The following COA8 variants were observed in gnomAD, a reference collection of about 807,000 sequenced individuals.
COA8 encodes UPF0671 protein C14orf153.
In COA8, 20 loss-of-function variants were observed where a neutral mutation model predicts 22.0. The ratio of observed to expected loss-of-function variants is 0.91; its 90% CI spans 0.64 to 1.32. The LOEUF is 1.32. COA8 is among the 40% of genes most tolerant of loss of function. The probability of loss-of-function intolerance (pLI) is 0.00; values close to 1 mark genes in which losing one functional copy is unlikely to be tolerated. For synonymous variants in COA8, 105 were observed against 79.9 expected (o/e 1.31, Z -1.68); for missense variants, 266 against 230.0 (o/e 1.16, Z -1.01).
chr14:103,587,250 GT>G, intron 3 of COA8, 23 bp from the exon 4 acceptor site: 1 of 1,598,332 alleles, frequency 6.3e-7, no homozygotes, highest in Non-Finnish European at 8.6e-7. Context: ...AAGTCTTAAT[GT>G]TTAAGCTGAA....
chr14:103,576,262 C>T (rs1220563439), intron 3 of COA8, among the ~76,000 whole-genome samples: 1 of 152,066 alleles, frequency 6.6e-6, no homozygotes, highest in Non-Finnish European at 1.5e-5. Context: ...GCCGAGATTG[C>T]GCCACTGCAC....
intron 3 of COA8, among the ~76,000 whole-genome samples, chr14:103,579,990 T>G (rs2076255640): frequency 6.9e-6 from 1 of 145,670 alleles, no homozygotes; most frequent in Non-Finnish European, 1.5e-5. Context: ...AAGTACAGCA[T>G]GACAACTGTT....
chr14:103,567,993 C>T (rs1020935737), intron 1 of COA8, among the ~76,000 whole-genome samples: 4 of 152,026 alleles, frequency 2.6e-5, no homozygotes, highest in Non-Finnish European at 5.9e-5. Context: ...ATCGGGTTTG[C>T]GGATTTGTCT....
intron 4 of COA8, 106 bp downstream of exon 4, chr14:103,587,470 A>G (rs1273845179): frequency 9.8e-6 from 6 of 613,926 alleles, no homozygotes; most frequent in Admixed American, 3.4e-5. Flanking sequence ...CAGAGGTAGA[A>G]GTTGCAAGAC....
chr14:103,590,353 G>A lies in COA8; in HGVS notation c.*67G>A, dbSNP rs746149390. The stretch of plus-strand genomic sequence containing the variant: ...AGCAGATGGAGCTCCTTTCACAGGG[G>A]CTCTGAGAAAAACTGGAGCTGATCT... On this transcript the variant is annotated 3_prime_UTR_variant, in exon 5 of 5. Transcript: ENST00000409074. 3.7e-4 allele frequency: 533 copies of A among 1,428,774 alleles called. No individual in the cohort carries two copies. Among genetic ancestry groups the A allele is most frequent in the Non-Finnish European group, 4.9e-4 (509 of 1,033,858 alleles). 88.5% of individuals were successfully genotyped at this position (1,428,774 alleles called of 1,614,324 possible).
chr14:103,566,143 C>T (rs113614615), intron 1 of COA8, among the ~76,000 whole-genome samples: 3 of 152,072 alleles, frequency 2.0e-5, no homozygotes, highest in African/African-American at 4.8e-5. Context: ...AAGAGTGATC[C>T]GGCCAGGCAT....
At chr14:103,574,219 T>C (rs1388063304) in intron 3 of COA8, 49 bp downstream of exon 3, 1 of 1,608,136 alleles carries the variant, frequency 6.2e-7, no homozygotes, top group East Asian at 2.2e-5. Flanking sequence ...GCGTTTGAGC[T>C]AGTCCATGAA....
At chr14:103,563,324 C>T (rs2076106261) in intron 1 of COA8, 200 bp downstream of exon 1, 1 of 756,336 alleles carries the variant, frequency 1.3e-6, no homozygotes, top group Non-Finnish European at 2.3e-6. Context: ...GGTGCCGCCG[C>T]CACCACGCCG....
At chr14:103,580,797 G>GT (rs377472697) in intron 3 of COA8, among the ~76,000 whole-genome samples, 1,998 of 122,506 alleles carry the variant, frequency 0.016, 43 homozygotes, top group African/African-American at 0.044. Context: ...TTGGCCTGTT[G>GT]TTTTTTTTTT....
chr14:103,574,330 C>A, intron 3 of COA8, 160 bp downstream of exon 3: 2 of 938,594 alleles, frequency 2.1e-6, no homozygotes, highest in Non-Finnish European at 3.4e-6. Flanking sequence ...TTCTCTTGCA[C>A]ACCCAGTTCC....
At chr14:103,566,231 G>A (rs958879208) in intron 1 of COA8, among the ~76,000 whole-genome samples, 7 of 151,966 alleles carry the variant, frequency 4.6e-5, no homozygotes, top group African/African-American at 9.7e-5. Flanking sequence ...AGACCAGCCC[G>A]GCCAACATGG....
chr14:103,578,622 C>T (rs556325817), intron 3 of COA8, among the ~76,000 whole-genome samples: 1 of 152,128 alleles, frequency 6.6e-6, no homozygotes, highest in African/African-American at 2.4e-5. Flanking sequence ...GGTGTTTTGC[C>T]TCTTTCCCTG....
At chr14:103,577,479 G>A (rs897396726) in intron 3 of COA8, among the ~76,000 whole-genome samples, 3 of 152,158 alleles carry the variant, frequency 2.0e-5, no homozygotes, top group East Asian at 1.9e-4. Context: ...CATCAAAGGT[G>A]GATGGCAGCA....
intron 3 of COA8, among the ~76,000 whole-genome samples, chr14:103,575,307 C>G (rs1052733951): frequency 2.0e-5 from 3 of 152,234 alleles, no homozygotes; most frequent in African/African-American, 7.2e-5. Flanking sequence ...TGTTTTGATT[C>G]TTACTAAGGT....
chr14:103,567,514 G>A (rs1279106278), intron 1 of COA8: 1 of 151,830 alleles, frequency 6.6e-6, no homozygotes, highest in Non-Finnish European at 1.5e-5. Context: ...AATATAGTCA[G>A]CACTGGCAAT....
Position 103,566,150 on chromosome 14 carries a change from G to A in COA8, c.123+3026G>A, listed in dbSNP as rs1336112382. 5.3e-5 allele frequency among the ~76,000 whole-genome samples: 8 copies of A among 152,050 alleles called. No individual in the cohort carries two copies. In the East Asian group the frequency reaches 1.5e-3, roughly 29 times the overall value. ...TGGTAAATAAGAGTGATCCGGCCAG[G>A]CATGGTGGCTCACACCTTGCCAGCA... On this transcript the variant is annotated intron_variant, in intron 1 of 4. Coordinates refer to ENST00000409074, the MANE Select transcript of COA8 (RefSeq NM_001370595.2).
In COA8 at chr14:103,581,046, C is replaced by T. The variant is rs1010754386; in HGVS notation, c.386-6228C>T. Among the ~76,000 whole-genome samples the T allele has an allele frequency of 1.6e-4, 25 of 152,120 alleles. No homozygotes were observed. Among genetic ancestry groups the T allele is most frequent in the Middle Eastern group, 3.4e-3 (1 of 294 alleles). The stretch of plus-strand genomic sequence containing the variant: ...AACTCCCAACCTCAGGTGATCCGCC[C>T]GTCTTGGCCTCCCAAAGTCCTGGGA... On this transcript the variant is annotated intron_variant, in intron 3 of 4. Coordinates refer to ENST00000409074, the MANE Select transcript of COA8 (RefSeq NM_001370595.2). This position sits in a 1 kb window ranked among gnomAD's most constrained non-coding sequence, Gnocchi z 4.1.
chr14:103,571,728 T>A lies in COA8; in HGVS notation c.229T>A (p.Ser77Thr). The stretch of plus-strand genomic sequence containing the variant: ...TCACTTTTACATACCTGAAAATGAA[T>A]CTCCATTGGAACAAAAGCTTAGAAA... ...PVHFYIPENE[S>T]PLEQKLRKLR... The change falls in exon 2 of 5, where the codon TCT becomes ACT. Residue 77 changes from serine (S) to threonine (T), a missense_variant. Ser to Thr is a moderately conservative substitution (Grantham distance 58). Transcript: ENST00000409074. 1 of 1,614,074 alleles carries A rather than the reference T, an allele frequency of 6.2e-7. No homozygotes were observed.
intron 1 of COA8, among the ~76,000 whole-genome samples, chr14:103,568,660 C>T (rs1440737827): frequency 6.7e-6 from 1 of 149,574 alleles, no homozygotes; most frequent in Non-Finnish European, 1.5e-5. Flanking sequence ...GACAGGGTCT[C>T]ACTCTGTCAC....
Sources: gnomAD v4.1 joint callset for allele counts (sites outside exome capture counted in the v4.1 genomes callset) on GRCh38, gnomAD v4.1.1 for gene constraint, Gnocchi (gnomAD v3.1) non-coding constraint, MANE v1.5 for transcripts, NCBI Gene and HGNC (gene_info 2026-07-23, HGNC 2026-07-21) for gene names.